The following KIF6 variants were observed in gnomAD, a reference collection of about 807,000 sequenced individuals.
KIF6 encodes the protein kinesin family member 6.
A neutral mutation model predicts 112.7 loss-of-function variants in KIF6; 106 were observed. The ratio of observed to expected loss-of-function variants is 0.94; its 90% CI spans 0.80 to 1.11. KIF6 has a LOEUF of 1.11. KIF6 is among the 50% of genes least tolerant of loss of function. KIF6 has a pLI of 0.00. For missense variants in KIF6, 929 were observed against 964.0 expected, an observed-to-expected ratio of 0.96 and a Z score of 0.48; for synonymous variants, 339 against 339.9, an observed-to-expected ratio of 1.00 and a Z score of 0.03.
At chr6:39,638,786 T>G (rs1784758093) in intron 4 of KIF6, among the ~76,000 whole-genome samples, 2 of 152,118 alleles carry the variant, frequency 1.3e-5, no homozygotes, top group African/African-American at 4.8e-5. Flanking sequence ...GGAGATTCTC[T>G]AATACAATTC....
chr6:39,595,061 CTGG>C (rs1782174670), intron 7 of KIF6, among the ~76,000 whole-genome samples: 1 of 152,064 alleles, frequency 6.6e-6, no homozygotes, highest in African/African-American at 2.4e-5. Context: ...AGAGCACATA[CTGG>C]GGTAGATTGT....
rs962717882 is a variant in KIF6, at chr6:39,519,479, C to T, written c.1645+20524G>A. Among the ~76,000 whole-genome samples, 10 of 152,246 alleles carry T rather than the reference C, an allele frequency of 6.6e-5. 1 individual carries two copies. The South Asian group carries it at 1.0e-3, about 16-fold the overall frequency. ...TAATGCTGCATGGCAGGTTTTCCTA[C>T]GGTGTTTTACAGAGCATAAGCATCC... On this transcript the variant is annotated intron_variant, in intron 13 of 22. Coordinates refer to ENST00000287152, the MANE Select transcript of KIF6 (RefSeq NM_145027.6).
chr6:39,377,819 C>A (rs1766573421), intron 16 of KIF6, among the ~76,000 whole-genome samples: 1 of 152,118 alleles, frequency 6.6e-6, no homozygotes, highest in Non-Finnish European at 1.5e-5. Context: ...AAACACCAGC[C>A]AGTGGCAATC....
At chr6:39,715,721 C>T (rs1358224936) in intron 2 of KIF6, among the ~76,000 whole-genome samples, 2 of 152,032 alleles carry the variant, frequency 1.3e-5, no homozygotes, top group Non-Finnish European at 2.9e-5. Context: ...GACCTACCTC[C>T]ATTTTAGAGA....
intron 9 of KIF6, chr6:39,583,445 C>T: frequency 2.1e-6 from 1 of 471,618 alleles, no homozygotes; most frequent in Non-Finnish European, 4.4e-6. Context: ...TTGGTTTCTG[C>T]AGAAGAGAAC....
At chr6:39,541,561 G>A (rs1437711183) in intron 12 of KIF6, among the ~76,000 whole-genome samples, 5 of 152,180 alleles carry the variant, frequency 3.3e-5, no homozygotes, top group Non-Finnish European at 7.3e-5. Context: ...TAGATGCCAG[G>A]CCCTGTTCTA....
chr6:39,383,381 C>T (rs556336175), intron 16 of KIF6, among the ~76,000 whole-genome samples: 11 of 151,776 alleles, frequency 7.2e-5, no homozygotes, highest in African/African-American at 2.2e-4. Context: ...TCTCTGCAAA[C>T]GGTTAGTTTT....
At chr6:39,614,093 A>G (rs1270433825) in intron 5 of KIF6, among the ~76,000 whole-genome samples, 1 of 152,034 alleles carries the variant, frequency 6.6e-6, no homozygotes, top group African/African-American at 2.4e-5. Context: ...GCTTGTCAAT[A>G]CTCTCCCTAA....
At chr6:39,580,096 T>C (rs1012340762) in intron 9 of KIF6, among the ~76,000 whole-genome samples, 1 of 152,092 alleles carries the variant, frequency 6.6e-6, no homozygotes, top group African/African-American at 2.4e-5. Context: ...GTTAATTTCG[T>C]CAGACATCAA....
At chr6:39,470,610 A>G (rs935067179) in intron 13 of KIF6, among the ~76,000 whole-genome samples, 11 of 152,204 alleles carry the variant, frequency 7.2e-5, no homozygotes, top group African/African-American at 2.7e-4. Flanking sequence ...TAGACACAGG[A>G]TCAGGTTTAG....
At chr6:39,351,182 C>CT (rs5875669) in intron 19 of KIF6, among the ~76,000 whole-genome samples, 17,145 of 106,360 alleles carry the variant, frequency 0.16, 1,658 homozygotes, top group South Asian at 0.25. Context: ...TAGGATTAAA[C>CT]TTTTTTTTTT....
At chr6:39,432,566 C>A (rs766446293) in intron 13 of KIF6, among the ~76,000 whole-genome samples, 1 of 152,180 alleles carries the variant, frequency 6.6e-6, no homozygotes, top group Non-Finnish European at 1.5e-5. Flanking sequence ...ATACACCCCA[C>A]CCTTTTCTGA....
At chr6:39,603,096 G>A (rs966384046) in intron 6 of KIF6, among the ~76,000 whole-genome samples, 1 of 152,132 alleles carries the variant, frequency 6.6e-6, no homozygotes, top group Non-Finnish European at 1.5e-5. Flanking sequence ...TTGTTCTAGT[G>A]CGTAGTGAAG....
At chr6:39,696,015 G>A (rs1476476466) in intron 3 of KIF6, among the ~76,000 whole-genome samples, 1 of 152,148 alleles carries the variant, frequency 6.6e-6, no homozygotes, top group Non-Finnish European at 1.5e-5. Context: ...TCCTAAGTGA[G>A]TTAACACAGA....
chr6:39,606,053 T>C (rs1290229097), intron 6 of KIF6, among the ~76,000 whole-genome samples: 1 of 152,052 alleles, frequency 6.6e-6, no homozygotes, highest in Admixed American at 6.6e-5. Flanking sequence ...TCTCTCTTTC[T>C]AGATACACCT....
Position 39,336,365 on chromosome 6 carries a change from A to T in KIF6, c.*167T>A. ...CAGCCCCAGCCTCTCGGTGGCCTCC[A>T]GGTCAGCATCCTTAAAGAAACACAG... is the stretch of plus-strand genomic sequence containing the variant. On this transcript the variant is annotated 3_prime_UTR_variant, in exon 23 of 23. Coordinates refer to ENST00000287152, the MANE Select transcript of KIF6 (RefSeq NM_145027.6). 2.7e-5 allele frequency: 17 copies of T among 633,930 alleles called. No individual in the cohort carries two copies. The highest frequency in any genetic ancestry group is 3.3e-5 in the Non-Finnish European group (12 of 360,514). The allele number at this position is 633,930 out of a possible 1,614,324, so 39.3% of individuals were successfully genotyped here.
At chr6:39,563,454 A>T (rs1582143199) in intron 10 of KIF6, among the ~76,000 whole-genome samples, 1 of 152,240 alleles carries the variant, frequency 6.6e-6, no homozygotes, top group South Asian at 2.1e-4. Flanking sequence ...TATAGTTTAG[A>T]CATATTCCCA....
intron 6 of KIF6, among the ~76,000 whole-genome samples, chr6:39,608,741 T>C (rs1024968137): frequency 6.6e-6 from 1 of 152,180 alleles, no homozygotes. Context: ...ATCTGTGATG[T>C]TCTCAGTACT....
chr6:39,363,680 T>C (rs1296562804), intron 16 of KIF6, among the ~76,000 whole-genome samples: 2 of 152,200 alleles, frequency 1.3e-5, no homozygotes, highest in Non-Finnish European at 2.9e-5. Context: ...TCTGCTACAG[T>C]CCATGTGCTT....
Sources: gnomAD v4.1 joint callset for allele counts (sites outside exome capture counted in the v4.1 genomes callset) on GRCh38, gnomAD v4.1.1 for gene constraint, MANE v1.5 for transcripts, NCBI Gene and HGNC (gene_info 2026-07-23, HGNC 2026-07-21) for gene names.